The following KPNA1 variants were observed in gnomAD, a reference collection of about 807,000 sequenced individuals.
KPNA1 encodes importin subunit alpha-5.
Under a neutral mutation model 70.5 loss-of-function variants are expected in KPNA1, and 10 were observed. The ratio of observed to expected loss-of-function variants is 0.14; its 90% CI spans 0.09 to 0.24. KPNA1 has a LOEUF of 0.24. Among genes scored for constraint, KPNA1 ranks in the 10% least tolerant of loss-of-function variants. The pLI, the probability that KPNA1 is intolerant of heterozygous loss-of-function variation, is 1.00. For synonymous variants in KPNA1, 192 were observed against 221.9 expected, an observed-to-expected ratio of 0.87 and a Z score of 1.20; for missense variants, 397 against 637.9, an observed-to-expected ratio of 0.62 and a Z score of 4.07.
intron 5 of KPNA1, 61 bp from the exon 6 acceptor site, chr3:122,454,062 A>G: frequency 1.7e-6 from 2 of 1,187,164 alleles, no homozygotes; most frequent in Non-Finnish European, 2.3e-6. Context: ...TTTACTTATA[A>G]CAGTAACATT....
chr3:122,445,136 C>T (rs1445045494), intron 9 of KPNA1, among the ~76,000 whole-genome samples: 1 of 152,120 alleles, frequency 6.6e-6, no homozygotes, highest in Non-Finnish European at 1.5e-5. Flanking sequence ...TAACCCATTG[C>T]AAGGAAGCTA....
chr3:122,484,717 A>G (rs2076610081), intron 2 of KPNA1, among the ~76,000 whole-genome samples: 2 of 152,192 alleles, frequency 1.3e-5, no homozygotes, highest in South Asian at 2.1e-4. Flanking sequence ...GATGACATAA[A>G]TAAATGAAGA....
intron 5 of KPNA1, 127 bp from the exon 6 acceptor site, chr3:122,454,128 G>A: frequency 1.8e-6 from 1 of 570,842 alleles, no homozygotes; most frequent in Non-Finnish European, 2.9e-6. Flanking sequence ...CCTATCAGTT[G>A]AGTACTATAT....
chr3:122,506,348 G>A (rs2076890132), intron 1 of KPNA1, among the ~76,000 whole-genome samples: 4 of 152,102 alleles, frequency 2.6e-5, no homozygotes, highest in Admixed American at 2.0e-4. Context: ...CTACAAAAAA[G>A]TTATGAATTT....
At chr3:122,499,235 G>A (rs2076796840) in intron 1 of KPNA1, among the ~76,000 whole-genome samples, 1 of 152,132 alleles carries the variant, frequency 6.6e-6, no homozygotes, top group South Asian at 2.1e-4. Context: ...ATGTTGAATA[G>A]AAATAGAGCA....
At chr3:122,514,241 G>T (rs1012257934) in intron 1 of KPNA1, among the ~76,000 whole-genome samples, 3 of 152,182 alleles carry the variant, frequency 2.0e-5, no homozygotes, top group Non-Finnish European at 4.4e-5. Context: ...CTCCCTCCGG[G>T]CCGCCGGCTC....
chr3:122,484,842 T>C (rs1378852337), intron 2 of KPNA1, among the ~76,000 whole-genome samples: 1 of 152,158 alleles, frequency 6.6e-6, no homozygotes. Flanking sequence ...ATGTACAAAC[T>C]GAATAGCTGA....
At chr3:122,501,541 C>G (rs1034620883) in intron 1 of KPNA1, among the ~76,000 whole-genome samples, 2 of 152,188 alleles carry the variant, frequency 1.3e-5, no homozygotes, top group Non-Finnish European at 2.9e-5. Context: ...CCTCCTGTTA[C>G]TGATCTAATT....
At chr3:122,504,199 T>C (rs758326543) in intron 1 of KPNA1, among the ~76,000 whole-genome samples, 13 of 152,176 alleles carry the variant, frequency 8.5e-5, no homozygotes, top group East Asian at 1.9e-4. Flanking sequence ...TTATAAACAA[T>C]AGAAATTTAT....
rs191578493 is a variant in KPNA1 at position 122,473,006 on chromosome 3, G to A, written c.130-5577C>T. Among the ~76,000 whole-genome samples the A allele has an allele frequency of 1.6e-4, 25 of 152,194 alleles. 1 individual carries two copies. The highest frequency in any genetic ancestry group is 1.4e-3 in the Admixed American group (22 of 15,286). The stretch of plus-strand genomic sequence containing the variant: ...TGAGGCACCAGAATCACCTGGACCC[G>A]GGAGGCAGAGGTTGCAGTGAGCCAA... On this transcript the variant is annotated intron_variant, in intron 2 of 13. Transcript: ENST00000344337.
At chr3:122,460,808 A>G (rs2076316035) in intron 5 of KPNA1, among the ~76,000 whole-genome samples, 1 of 152,102 alleles carries the variant, frequency 6.6e-6, no homozygotes. Flanking sequence ...GTGGAGGAAG[A>G]ATTAATTAGG....
chr3:122,507,013 T>A (rs988650625), intron 1 of KPNA1, among the ~76,000 whole-genome samples: 1 of 152,120 alleles, frequency 6.6e-6, no homozygotes, highest in African/African-American at 2.4e-5. Context: ...AGTTCCAATA[T>A]GAGGGCTTGG....
At chr3:122,495,309 T>C (rs1217696633) in intron 2 of KPNA1, among the ~76,000 whole-genome samples, 1 of 133,048 alleles carries the variant, frequency 7.5e-6, no homozygotes, top group East Asian at 2.4e-4. Flanking sequence ...CAGAACTAAT[T>C]TAAAAGCTCT....
chr3:122,510,269 GAAACAGT>G (rs1012181797), intron 1 of KPNA1, among the ~76,000 whole-genome samples: 2 of 152,062 alleles, frequency 1.3e-5, no homozygotes, highest in African/African-American at 4.8e-5. Context: ...GAAAATACAG[GAAACAGT>G]AAACAGGGGA....
intron 10 of KPNA1, 131 bp from the exon 11 acceptor site, chr3:122,437,426 T>TA (rs35524149): frequency 6.3e-5 from 38 of 599,746 alleles, no homozygotes; most frequent in Admixed American, 2.0e-4. Flanking sequence ...TTTATACAGG[T>TA]AAAAAAAAGT....
At chr3:122,451,422 T>C (rs2076201311) in intron 8 of KPNA1, 112 bp downstream of exon 8, 2 of 626,532 alleles carry the variant, frequency 3.2e-6, no homozygotes, top group Non-Finnish European at 5.5e-6. Context: ...ACAGATAAAA[T>C]TCTAACATTT....
At chr3:122,483,373 T>A (rs1576329963) in intron 2 of KPNA1, 2 of 155,714 alleles carry the variant, frequency 1.3e-5, no homozygotes, top group South Asian at 3.9e-4. Context: ...AATTGGAGTT[T>A]CACTCTTGTT....
At chr3:122,479,039 TC>T (rs2107477557) in intron 2 of KPNA1, among the ~76,000 whole-genome samples, 1 of 152,068 alleles carries the variant, frequency 6.6e-6, no homozygotes, top group East Asian at 1.9e-4. Context: ...AAGCTCAACT[TC>T]GTTAAAATTA....
intron 1 of KPNA1, among the ~76,000 whole-genome samples, chr3:122,511,047 GAAGT>G (rs1418185615): frequency 1.3e-5 from 2 of 152,192 alleles, no homozygotes; most frequent in African/African-American, 4.8e-5. Flanking sequence ...ACTACTTTGT[GAAGT>G]AAGGCGAGTT....
Sources: allele counts gnomAD v4.1 joint callset (sites outside exome capture counted in the v4.1 genomes callset), GRCh38; gene constraint gnomAD v4.1.1; transcripts MANE v1.5; gene names NCBI Gene and HGNC (gene_info 2026-07-23, HGNC 2026-07-21).